The following HADH variants were observed in gnomAD, a reference collection of about 807,000 sequenced individuals.
HADH encodes hydroxyacyl-CoA dehydrogenase.
Under a neutral mutation model 32.2 loss-of-function variants are expected in HADH, and 24 were observed. That is an observed-to-expected ratio of 0.75 (90% CI 0.54 to 1.05). HADH has a LOEUF of 1.05. Among genes scored for constraint, HADH ranks in the 50% least tolerant of loss-of-function variants. The pLI is 0.00. For missense variants in HADH, 350 were observed against 397.1 expected (o/e 0.88, Z 1.01); for synonymous variants, 139 against 152.5 (o/e 0.91, Z 0.65).
chr4:108,032,737 C>T (rs1196676011), intron 6 of HADH: 3 of 331,940 alleles, frequency 9.0e-6, no homozygotes, highest in Non-Finnish European at 1.7e-5. Context: ...AATCTTAGCA[C>T]TTTGGGAAGC....
At chr4:108,010,145 A>T (rs1427286289) in intron 2 of HADH, among the ~76,000 whole-genome samples, 1 of 152,164 alleles carries the variant, frequency 6.6e-6, no homozygotes, top group Non-Finnish European at 1.5e-5. Context: ...AAGCTTGTAC[A>T]TACAGGTGGT....
intron 1 of HADH, among the ~76,000 whole-genome samples, chr4:107,990,743 CTTTTTTTTTTTT>C (rs553014808): frequency 6.3e-5 from 7 of 111,846 alleles, no homozygotes; most frequent in Non-Finnish European, 1.1e-4. Context: ...AAGTCTCTCT[CTTTTTTTTTTTT>C]TTTTTTTTTT....
At chr4:107,994,644 T>A (rs1047020225) in intron 1 of HADH, among the ~76,000 whole-genome samples, 3 of 152,142 alleles carry the variant, frequency 2.0e-5, no homozygotes, top group Admixed American at 6.5e-5. Context: ...AAGCTCTCCT[T>A]TTGACTGTTC....
Position 108,034,683 on chromosome 4 carries a change from G to A in HADH, c.*326G>A, listed in dbSNP as rs758845856. On this transcript the variant is annotated 3_prime_UTR_variant, in exon 8 of 8. Coordinates refer to ENST00000309522, the MANE Select transcript of HADH (RefSeq NM_005327.7). ...TGCCTAGATTCCTTCTCTCATCAACGGGAAAGTACTTCCTCTGAGAGTGCG... is the reference window on the plus strand; with the variant it reads ...TGCCTAGATTCCTTCTCTCATCAACAGGAAAGTACTTCCTCTGAGAGTGCG... 2.2e-5 allele frequency: 8 copies of A among 362,108 alleles called. No individual in the cohort carries two copies. Among genetic ancestry groups the A allele is most frequent in the Non-Finnish European group, 3.8e-5 (7 of 185,608 alleles). The allele number at this position is 362,108 out of a possible 1,614,324, so 22.4% of individuals were successfully genotyped here.
intron 2 of HADH, among the ~76,000 whole-genome samples, chr4:108,011,249 AG>A (rs1194762478): frequency 1.3e-5 from 2 of 152,108 alleles, no homozygotes; most frequent in Admixed American, 1.3e-4. Flanking sequence ...CCATTGTATT[AG>A]TCTGTTCTCA....
In HADH at chr4:108,014,585, C is replaced by A; in HGVS notation, c.416C>A (p.Ala139Asp). 4 of 1,611,070 alleles carry A rather than the reference C, an allele frequency of 2.5e-6. No individual in the cohort carries two copies. The highest frequency in any genetic ancestry group is 3.4e-6 in the Non-Finnish European group (4 of 1,177,594). The stretch of plus-strand genomic sequence containing the variant: ...TTCAAAAGGCTGGACAAGTTTGCTG[C>A]TGAGTATGTAACCTCTGGACAATCT... ...ELFKRLDKFA[A>D]EHTIFASNTS... The change falls in exon 3 of 8, where the codon GCT becomes GAT. Residue 139 changes from alanine to aspartate, a missense_variant. By Grantham distance (126) the Ala-to-Asp change is moderately radical (BLOSUM62 -2). Transcript: ENST00000309522.
At chr4:108,013,283 T>C (rs1049734819) in intron 2 of HADH, among the ~76,000 whole-genome samples, 1 of 152,140 alleles carries the variant, frequency 6.6e-6, no homozygotes, top group African/African-American at 2.4e-5. Context: ...GGGGATGTTA[T>C]GAGGAGGGTC....
At position 108,004,961 on chromosome 4, in the gene HADH, A is replaced by C. The variant is rs781197089; in HGVS notation, c.133-4798A>C. On this transcript the variant is annotated intron_variant, in intron 1 of 7. Coordinates refer to ENST00000309522, the MANE Select transcript of HADH (RefSeq NM_005327.7). ...AGTATTCAGGATGTTATGTGGTACT[A>C]AAAGGAATGTTAAACGAAGTGATAA... 45 of 1,416,960 alleles carry C rather than the reference A, an allele frequency of 3.2e-5. No homozygotes were observed. The Middle Eastern group carries it at 5.2e-4, about 16-fold the overall frequency. The allele number at this position is 1,416,960 out of a possible 1,614,324, so 87.8% of individuals were successfully genotyped here.
chr4:108,032,485 A>G, intron 6 of HADH: 1 of 603,118 alleles, frequency 1.7e-6, no homozygotes, highest in Admixed American at 2.3e-5. Flanking sequence ...TATACATACA[A>G]AAGCAGAAAG....
chr4:108,018,336 C>T (rs1206131572), intron 3 of HADH, among the ~76,000 whole-genome samples: 1 of 152,060 alleles, frequency 6.6e-6, no homozygotes, highest in Non-Finnish European at 1.5e-5. Flanking sequence ...TTTTCATTAC[C>T]TTCTGTAATG....
At chr4:107,992,571 A>G (rs546983758) in intron 1 of HADH, among the ~76,000 whole-genome samples, 1 of 152,190 alleles carries the variant, frequency 6.6e-6, no homozygotes, top group East Asian at 1.9e-4. Context: ...CTACAGTTCA[A>G]TATAAGAAGT....
rs1307623364 is a variant in HADH, at chr4:108,009,906, T to C, written c.261+19T>C. On this transcript the variant is annotated intron_variant, in intron 2 of 7. Coordinates refer to ENST00000309522, the MANE Select transcript of HADH (RefSeq NM_005327.7). ...CCTTAAGGTAATTTCTTATTATCGATGTCTTCAAGACAAGTCCTCTGACTG... is the reference window on the plus strand; with the variant it reads ...CCTTAAGGTAATTTCTTATTATCGACGTCTTCAAGACAAGTCCTCTGACTG... The C allele has an allele frequency of 6.4e-7, 1 of 1,572,820 alleles. No homozygotes were observed. The highest frequency in any genetic ancestry group is 1.1e-5 in the South Asian group (1 of 90,290).
intron 1 of HADH, among the ~76,000 whole-genome samples, chr4:108,009,450 C>T (rs1735402552): frequency 6.6e-6 from 1 of 152,182 alleles, no homozygotes; most frequent in Non-Finnish European, 1.5e-5. Context: ...TAGAGCTTGG[C>T]CTTCAGGGCT....
chr4:107,993,117 A>G (rs182109108), intron 1 of HADH, among the ~76,000 whole-genome samples: 130 of 152,356 alleles, frequency 8.5e-4, no homozygotes, highest in African/African-American at 3.1e-3. Context: ...CTCCGTCTCA[A>G]AAAGATAAAT....
intron 2 of HADH, among the ~76,000 whole-genome samples, chr4:108,012,253 T>C (rs756741401): frequency 5.9e-5 from 9 of 152,102 alleles, no homozygotes; most frequent in Non-Finnish European, 1.3e-4. Context: ...CTTTAGATGA[T>C]GGTGGAGATA....
chr4:107,996,438 G>A (rs934662295), intron 1 of HADH, among the ~76,000 whole-genome samples: 2 of 151,988 alleles, frequency 1.3e-5, no homozygotes, highest in African/African-American at 4.8e-5. Context: ...GGTTATCTGG[G>A]TTATTATGAA....
chr4:108,017,267 C>G (rs867203946), intron 3 of HADH, among the ~76,000 whole-genome samples: 10 of 152,180 alleles, frequency 6.6e-5, no homozygotes, highest in African/African-American at 2.4e-4. Context: ...CTAGCAGCAG[C>G]CTAAGACACA....
chr4:108,026,542 A>G (rs1736075702), intron 5 of HADH: 1 of 152,178 alleles, frequency 6.6e-6, no homozygotes, highest in Admixed American at 6.5e-5. Flanking sequence ...TAAGCTGATA[A>G]AACTTGTTTG....
At position 108,009,811 on chromosome 4, in the gene HADH, T is replaced by A. The variant is rs1056668974; in HGVS notation, c.185T>A (p.Ile62Asn). Residue 62 changes from isoleucine to asparagine, a missense_variant, in exon 2 of 8, where the codon ATC becomes AAC. By Grantham distance (149) the Ile-to-Asn change is moderately radical. Transcript: ENST00000309522. ...TVVLVDQTED[I>N]LAKSKKGIEE... Reference sequence around the variant, plus strand: ...GTGTTGGTAGACCAGACAGAGGACATCCTGGCAAAATCCAAAAAGGGAATT... The same window carrying A: ...GTGTTGGTAGACCAGACAGAGGACAACCTGGCAAAATCCAAAAAGGGAATT... 6.2e-7 allele frequency: 1 copy of A among 1,611,896 alleles called. No individual in the cohort carries two copies. The highest frequency in any genetic ancestry group is 8.5e-7 in the Non-Finnish European group (1 of 1,178,034).
Sources: allele counts gnomAD v4.1 joint callset (sites outside exome capture counted in the v4.1 genomes callset), GRCh38; gene constraint gnomAD v4.1.1; transcripts MANE v1.5; gene names NCBI Gene and HGNC (gene_info 2026-07-23, HGNC 2026-07-21).